Variants in LRP1B observed in about 807,000 individuals in gnomAD.
LRP1B encodes the protein LDL receptor related protein 1B.
Under a neutral mutation model 556.6 loss-of-function variants are expected in LRP1B, and 217 were observed. That is an observed-to-expected ratio of 0.39 (90% CI 0.35 to 0.44). LRP1B has a LOEUF of 0.44. Ranked by LOEUF, LRP1B falls within the 20% of genes least tolerant of loss-of-function variation. LRP1B has a pLI of 1.00. For missense variants in LRP1B, 5,053 were observed against 5,620.8 expected, an observed-to-expected ratio of 0.90 and a Z score of 3.23; for synonymous variants, 2,047 against 1,865.8, an observed-to-expected ratio of 1.10 and a Z score of -2.50.
chr2:140,831,506 A>G (rs1691715743), intron 31 of LRP1B, among the ~76,000 whole-genome samples: 1 of 152,142 alleles, frequency 6.6e-6, no homozygotes, highest in South Asian at 2.1e-4. Context: ...ATCTCTTGCC[A>G]AATATAAAAG....
Position 140,492,662 on chromosome 2 carries a change from A to G in LRP1B, c.9066T>C (p.His3022=), listed in dbSNP as rs761450241. The change falls in exon 57 of 91, where the codon CAT becomes CAC. Residue 3022 remains histidine (H), a synonymous_variant. Transcript: ENST00000389484. ...DEEPFLILAD[H]HEIRKISTDG... ...CAGTGCTAATTTTCCTTATCTCATG[A>G]TGATCAGCAAGAATTAAAAAAGGTT... 12 of 1,613,436 alleles carry G rather than the reference A, an allele frequency of 7.4e-6. No individual in the cohort carries two copies. Among genetic ancestry groups the G allele is most frequent in the South Asian group, 1.1e-5 (1 of 91,072 alleles).
chr2:140,310,314 ACTGT>A (rs1342163549), intron 83 of LRP1B, among the ~76,000 whole-genome samples: 3 of 151,446 alleles, frequency 2.0e-5, no homozygotes, highest in Non-Finnish European at 3.0e-5. Flanking sequence ...AAATGATCAT[ACTGT>A]CTAACACAAT....
chr2:141,871,855 A>G (rs1698597482), intron 1 of LRP1B, among the ~76,000 whole-genome samples: 1 of 151,994 alleles, frequency 6.6e-6, no homozygotes, highest in Non-Finnish European at 1.5e-5. Context: ...CCCTCAACCT[A>G]TAGTTACAAA....
chr2:141,937,907 G>A (rs1210724176), intron 1 of LRP1B, among the ~76,000 whole-genome samples: 1 of 152,076 alleles, frequency 6.6e-6, no homozygotes, highest in Non-Finnish European at 1.5e-5. Flanking sequence ...TCTTTTGCCT[G>A]TAGATAATCC....
At chr2:141,279,889 A>G (rs1685446803) in intron 3 of LRP1B, among the ~76,000 whole-genome samples, 1 of 152,128 alleles carries the variant, frequency 6.6e-6, no homozygotes, top group African/African-American at 2.4e-5. Context: ...GTCTCAAGGC[A>G]AGCTAGTCAC....
At chr2:141,201,414 C>CA (rs1491024555) in intron 6 of LRP1B, among the ~76,000 whole-genome samples, 1 of 152,048 alleles carries the variant, frequency 6.6e-6, no homozygotes, top group Non-Finnish European at 1.5e-5. Context: ...TTTTCTGACT[C>CA]ACAGTCATGG....
At chr2:140,649,099 C>T (rs1684584901) in intron 41 of LRP1B, among the ~76,000 whole-genome samples, 2 of 152,056 alleles carry the variant, frequency 1.3e-5, no homozygotes, top group African/African-American at 2.4e-5. Flanking sequence ...TTTTAAATAT[C>T]TTTAGTACAG....
chr2:140,352,909 C>T (rs2105121432), intron 76 of LRP1B, 44 bp downstream of exon 76: 1 of 1,563,870 alleles, frequency 6.4e-7, no homozygotes. Flanking sequence ...AAAATGTTTA[C>T]AACAAAATTG....
At chr2:142,100,808 C>T (rs1326267186) in intron 1 of LRP1B, among the ~76,000 whole-genome samples, 1 of 151,890 alleles carries the variant, frequency 6.6e-6, no homozygotes, top group Non-Finnish European at 1.5e-5. Flanking sequence ...ATAGATTGAT[C>T]TGGGTTGTTT....
chr2:141,413,794 C>G (rs1057119319), intron 3 of LRP1B, among the ~76,000 whole-genome samples: 1 of 151,452 alleles, frequency 6.6e-6, no homozygotes, highest in African/African-American at 2.4e-5. Context: ...TGAGGATAAC[C>G]TGAGCACAGG....
intron 3 of LRP1B, among the ~76,000 whole-genome samples, chr2:141,266,817 A>G (rs898526621): frequency 1.3e-5 from 2 of 152,220 alleles, no homozygotes; most frequent in Non-Finnish European, 2.9e-5. Flanking sequence ...AGATTAATTT[A>G]TTTTACAAAT....
chr2:142,104,175 A>C (rs898770957), intron 1 of LRP1B, among the ~76,000 whole-genome samples: 34 of 152,212 alleles, frequency 2.2e-4, no homozygotes, highest in Middle Eastern at 6.8e-3. Context: ...CATATTACCA[A>C]ATGAGAAGTT....
intron 2 of LRP1B, among the ~76,000 whole-genome samples, chr2:141,589,433 T>C (rs1384665): frequency 0.33 from 50,306 of 152,004 alleles, 9,676 homozygotes; most frequent in Non-Finnish European, 0.44. Context: ...GTTCTTGTGA[T>C]TTTTGAGTTC....
intron 1 of LRP1B, among the ~76,000 whole-genome samples, chr2:142,010,858 G>A (rs901327200): frequency 7.9e-5 from 12 of 152,138 alleles, no homozygotes; most frequent in East Asian, 1.9e-4. Context: ...GTTGCTCCAC[G>A]ACTGAAGAGA....
At chr2:140,917,945 G>A (rs749234610) in intron 21 of LRP1B, among the ~76,000 whole-genome samples, 21 of 152,016 alleles carry the variant, frequency 1.4e-4, no homozygotes, top group Admixed American at 1.3e-4. Context: ...ATGTGAGGGC[G>A]GTGGGAGTAT....
At chr2:140,544,364 T>A (rs930720963) in intron 43 of LRP1B, among the ~76,000 whole-genome samples, 2 of 151,992 alleles carry the variant, frequency 1.3e-5, no homozygotes, top group African/African-American at 2.4e-5. Context: ...AAGTTTGTTA[T>A]ACAGGTAAAT....
intron 32 of LRP1B, among the ~76,000 whole-genome samples, chr2:140,776,832 T>C (rs1365989456): frequency 6.6e-6 from 1 of 151,906 alleles, no homozygotes; most frequent in Non-Finnish European, 1.5e-5. Context: ...CTACTGAGTG[T>C]TCATTTGATA....
rs74685739 is a variant in LRP1B at position 141,932,347 on chromosome 2, G to A, written c.83-121946C>T. Among the ~76,000 whole-genome samples the A allele has an allele frequency of 6.0e-4, 92 of 152,082 alleles. No individual in the cohort carries two copies. The East Asian group carries it at 0.015, about 25-fold the overall frequency. ...GAATTAAAAAATGACAGAGTACACC[G>A]TTCATTACTTTGCAATTGTAAAGCA... On this transcript the variant is annotated intron_variant, in intron 1 of 90. Transcript: ENST00000389484.
intron 1 of LRP1B, among the ~76,000 whole-genome samples, chr2:141,914,087 G>A (rs547210614): frequency 3.3e-5 from 5 of 152,128 alleles, no homozygotes; most frequent in Non-Finnish European, 5.9e-5. Flanking sequence ...GCACAGCCTC[G>A]GCTTTAGCCC....
Sources: allele counts gnomAD v4.1 joint callset (sites outside exome capture counted in the v4.1 genomes callset), GRCh38; gene constraint gnomAD v4.1.1; transcripts MANE v1.5; gene names NCBI Gene and HGNC (gene_info 2026-07-23, HGNC 2026-07-21).